Variants in ALG14 observed in about 807,000 individuals in gnomAD.
ALG14 encodes ALG14 UDP-N-acetylglucosaminyltransferase subunit, also known as UDP-N-acetylglucosamine transferase subunit ALG14.
A neutral mutation model predicts 22.8 loss-of-function variants in ALG14; 17 were observed. The ratio of observed to expected loss-of-function variants is 0.75; its 90% CI spans 0.51 to 1.12. The LOEUF is 1.12. ALG14 is among the 50% of genes most tolerant of loss of function. ALG14 has a pLI of 0.00. For synonymous variants in ALG14, 89 were observed against 103.7 expected, an observed-to-expected ratio of 0.86 and a Z score of 0.86; for missense variants, 288 against 271.8, an observed-to-expected ratio of 1.06 and a Z score of -0.42.
At chr1:94,988,303 TG>T (rs1373199608) in intron 3 of ALG14, among the ~76,000 whole-genome samples, 5 of 152,176 alleles carry the variant, frequency 3.3e-5, no homozygotes, top group Non-Finnish European at 7.4e-5. Flanking sequence ...GCTTTAAGAA[TG>T]GTTAGACAAA....
intron 3 of ALG14, among the ~76,000 whole-genome samples, chr1:95,016,438 G>A (rs1287507338): frequency 6.6e-6 from 1 of 152,164 alleles, no homozygotes; most frequent in Non-Finnish European, 1.5e-5. Context: ...TTCTCCATCA[G>A]AGAATGACCA....
intron 3 of ALG14, among the ~76,000 whole-genome samples, chr1:95,008,712 A>C (rs1453312804): frequency 1.3e-5 from 2 of 152,182 alleles, no homozygotes; most frequent in African/African-American, 4.8e-5. Flanking sequence ...TTCTACATGT[A>C]CAATTCAGTG....
At position 94,983,251 on chromosome 1, in the gene ALG14, A is replaced by G. The variant is rs746850097; in HGVS notation, c.476T>C (p.Leu159Pro). The change falls in exon 4 of 4, where the codon CTT becomes CCT. Residue 159 changes from leucine (L) to proline (P), a missense_variant. By Grantham distance (98) the Leu-to-Pro change is moderately conservative. Transcript: ENST00000370205. ...CACTTTCTTTATTCCTAGTATCCCA[A>G]GGAGAAGGGCAGATACACAGATAGG... ...CVPICVSALL[L>P]GILGIKKVII... The G allele has an allele frequency of 3.1e-6, 5 of 1,614,200 alleles. No individual in the cohort carries two copies. The Admixed American group carries it at 8.3e-5, about 27-fold the overall frequency.
chr1:95,008,701 T>C (rs946517034), intron 3 of ALG14, among the ~76,000 whole-genome samples: 3 of 152,172 alleles, frequency 2.0e-5, no homozygotes, highest in Admixed American at 2.0e-4. Flanking sequence ...TCTTAACCAC[T>C]TTCTACATGT....
At chr1:95,048,147 T>G (rs1012504951) in intron 2 of ALG14, among the ~76,000 whole-genome samples, 2 of 152,212 alleles carry the variant, frequency 1.3e-5, no homozygotes, top group Admixed American at 1.3e-4. Flanking sequence ...GCACTCATTT[T>G]GTATTTTTTG....
chr1:95,010,140 T>TC (rs1452707447), intron 3 of ALG14, among the ~76,000 whole-genome samples: 1 of 152,208 alleles, frequency 6.6e-6, no homozygotes, highest in East Asian at 1.9e-4. Flanking sequence ...TTCTCTCATG[T>TC]CCCCTCATTG....
rs535713753 is a variant in ALG14, at chr1:95,072,799, G to A, written c.100C>T (p.Arg34Trp). The change falls in exon 1 of 4, where the codon CGG (arginine) becomes TGG (tryptophan). Residue 34 changes from arginine (R) to tryptophan (W), a missense_variant. Arg to Trp is a moderately radical substitution (Grantham distance 101). Coordinates refer to ENST00000370205, the MANE Select transcript of ALG14 (RefSeq NM_144988.4). ...ACTACCAAGATACTGAGAGACTCCC[G>A]GGGCGTAACGTCCATGGAACGAAGC... Reference protein sequence around the residue: ...VVLRSMDVTPRESLSILVVAG... With the variant: ...VVLRSMDVTPWESLSILVVAG... 1.2e-6 allele frequency: 2 copies of A among 1,613,972 alleles called. No individual in the cohort carries two copies. Among genetic ancestry groups the A allele is most frequent in the African/African-American group, 1.3e-5 (1 of 74,864 alleles).
At position 94,996,776 on chromosome 1, in the gene ALG14, T is replaced by C. The variant is rs1571585599; in HGVS notation, c.421-13470A>G. Among the ~76,000 whole-genome samples, 3 of 152,178 alleles carry C rather than the reference T, an allele frequency of 2.0e-5. No individual in the cohort carries two copies. The South Asian group carries it at 6.2e-4, about 32-fold the overall frequency. On this transcript the variant is annotated intron_variant, in intron 3 of 3. Transcript: ENST00000370205. ...GGCTCACTGCAACCTCCGCCTCCCA[T>C]GTTCAAGCGATTCTCCTGCCTCAGC... is the stretch of plus-strand genomic sequence containing the variant.
intron 2 of ALG14, among the ~76,000 whole-genome samples, chr1:95,031,906 T>G (rs1674018555): frequency 6.6e-6 from 1 of 152,116 alleles, no homozygotes; most frequent in African/African-American, 2.4e-5. Flanking sequence ...TCTTCTCAGT[T>G]CAAGAGACTC....
intron 2 of ALG14, among the ~76,000 whole-genome samples, chr1:95,033,120 A>G (rs1182044618): frequency 1.3e-5 from 2 of 151,938 alleles, no homozygotes; most frequent in African/African-American, 2.4e-5. Context: ...GTTAGTCTGT[A>G]CCTTTGCTCT....
chr1:95,042,368 G>A (rs566051019), intron 2 of ALG14, among the ~76,000 whole-genome samples: 6 of 152,010 alleles, frequency 3.9e-5, no homozygotes, highest in Admixed American at 1.3e-4. Context: ...TCTCAGTTTC[G>A]TCAGACTCTT....
intron 3 of ALG14, among the ~76,000 whole-genome samples, chr1:95,021,424 G>A (rs894661519): frequency 1.3e-5 from 2 of 152,118 alleles, no homozygotes; most frequent in South Asian, 4.1e-4. Context: ...AAACTTTAAT[G>A]ATCCCACTTA....
At chr1:95,010,813 A>G (rs1471172267) in intron 3 of ALG14, among the ~76,000 whole-genome samples, 1 of 152,252 alleles carries the variant, frequency 6.6e-6, no homozygotes, top group African/African-American at 2.4e-5. Flanking sequence ...CTACAAAGAA[A>G]AGATAGTTCT....
At chr1:95,056,278 A>G (rs1674931430) in intron 2 of ALG14, among the ~76,000 whole-genome samples, 1 of 152,212 alleles carries the variant, frequency 6.6e-6, no homozygotes, top group Non-Finnish European at 1.5e-5. Flanking sequence ...CTATTTTGCC[A>G]TATGGAAATT....
At chr1:95,042,329 TAC>T (rs1557970285) in intron 2 of ALG14, among the ~76,000 whole-genome samples, 1 of 143,938 alleles carries the variant, frequency 6.9e-6, no homozygotes, top group Non-Finnish European at 1.5e-5. Flanking sequence ...CACACACACA[TAC>T]ACACAGTTTG....
intron 1 of ALG14, among the ~76,000 whole-genome samples, chr1:95,065,797 T>G (rs573148043): frequency 6.6e-6 from 1 of 152,320 alleles, no homozygotes; most frequent in South Asian, 2.1e-4. Context: ...ACCAAATGAG[T>G]AATGTTCAGT....
Position 95,041,171 on chromosome 1 carries a change from T to G in ALG14, c.289-13911A>C, listed in dbSNP as rs141444275. Among the ~76,000 whole-genome samples the G allele has an allele frequency of 5.9e-4, 90 of 152,362 alleles. 1 individual carries two copies. Among genetic ancestry groups the G allele is most frequent in the Middle Eastern group, 6.8e-3 (2 of 294 alleles). The stretch of plus-strand genomic sequence containing the variant: ...TTCTTATTCAAATATTTTGCTCATT[T>G]AGACCGGCCTCCTTTCAAATTAGAG... On this transcript the variant is annotated intron_variant, in intron 2 of 3. Coordinates refer to ENST00000370205, the MANE Select transcript of ALG14 (RefSeq NM_144988.4).
chr1:95,006,110 C>G (rs1157453034), intron 3 of ALG14, among the ~76,000 whole-genome samples: 1 of 152,190 alleles, frequency 6.6e-6, no homozygotes, highest in African/African-American at 2.4e-5. Flanking sequence ...AAGCTGCTCA[C>G]AGGTTTTGAG....
At chr1:94,983,908 A>AT (rs1013761677) in intron 3 of ALG14, among the ~76,000 whole-genome samples, 5 of 150,294 alleles carry the variant, frequency 3.3e-5, no homozygotes, top group East Asian at 2.0e-4. Flanking sequence ...CACCCGGCTA[A>AT]TTTTTTTTTG....
Sources: allele counts gnomAD v4.1 joint callset (sites outside exome capture counted in the v4.1 genomes callset), GRCh38; gene constraint gnomAD v4.1.1; transcripts MANE v1.5; gene names NCBI Gene and HGNC (gene_info 2026-07-23, HGNC 2026-07-21).